The following INPP4B variants were observed in gnomAD, a reference collection of about 807,000 sequenced individuals.
The protein encoded by INPP4B is inositol polyphosphate-4-phosphatase type II B, also known as inositol polyphosphate 4-phosphatase type II.
Under a neutral mutation model 122.5 loss-of-function variants are expected in INPP4B, and 55 were observed. The observed-to-expected ratio is 0.45, with a 90% CI of 0.36 to 0.56. The LOEUF (loss-of-function observed/expected upper bound fraction) is 0.56. Ranked by LOEUF, INPP4B falls within the 20% of genes least tolerant of loss-of-function variation. INPP4B has a pLI of 0.00. For synonymous variants in INPP4B, 403 were observed against 388.7 expected, an observed-to-expected ratio of 1.04 and a Z score of -0.43; for missense variants, 1,000 against 1,097.7, an observed-to-expected ratio of 0.91 and a Z score of 1.26.
chr4:142,143,064 T>C (rs1340833882), intron 18 of INPP4B, among the ~76,000 whole-genome samples: 1 of 151,998 alleles, frequency 6.6e-6, no homozygotes, highest in Admixed American at 6.6e-5. Context: ...CAGGCTGAAG[T>C]TTCCTTAACT....
intron 2 of INPP4B, among the ~76,000 whole-genome samples, chr4:142,712,164 T>G (rs911595564): frequency 6.6e-5 from 10 of 152,186 alleles, no homozygotes; most frequent in African/African-American, 2.4e-4. Context: ...ACACCAAATC[T>G]GCTGGTGCCT....
chr4:142,731,775 G>GA (rs370904473), intron 1 of INPP4B, among the ~76,000 whole-genome samples: 7 of 123,424 alleles, frequency 5.7e-5, no homozygotes, highest in South Asian at 2.9e-4. Flanking sequence ...ATTTTCAGGG[G>GA]AAAAAAAAAA....
At chr4:142,257,373 G>C (rs1736830575) in intron 11 of INPP4B, among the ~76,000 whole-genome samples, 1 of 152,042 alleles carries the variant, frequency 6.6e-6, no homozygotes, top group Admixed American at 6.6e-5. Context: ...GGCAGGAGAA[G>C]GAAATAAAGG....
At chr4:142,359,044 C>T (rs1010173427) in intron 7 of INPP4B, among the ~76,000 whole-genome samples, 1 of 151,872 alleles carries the variant, frequency 6.6e-6, no homozygotes, top group Non-Finnish European at 1.5e-5. Context: ...AAAATTAGTT[C>T]AGAAATCATC....
chr4:142,071,359 A>G (rs1160030918), intron 25 of INPP4B, among the ~76,000 whole-genome samples: 2 of 152,068 alleles, frequency 1.3e-5, no homozygotes, highest in East Asian at 3.9e-4. Flanking sequence ...AGACTTAAAC[A>G]TTAGACCTAA....
intron 5 of INPP4B, among the ~76,000 whole-genome samples, chr4:142,420,895 G>A (rs961909992): frequency 1.3e-5 from 2 of 152,166 alleles, no homozygotes; most frequent in African/African-American, 2.4e-5. Flanking sequence ...AGGAAGTTTT[G>A]AGTGTGATAA....
chr4:142,176,117 T>TA (rs1828059517), intron 15 of INPP4B, among the ~76,000 whole-genome samples: 1 of 119,758 alleles, frequency 8.4e-6, no homozygotes, highest in Non-Finnish European at 1.7e-5. Flanking sequence ...GACTGCTTTC[T>TA]TTTATTATTA....
intron 2 of INPP4B, among the ~76,000 whole-genome samples, chr4:142,499,149 T>C (rs527909945): frequency 6.6e-6 from 1 of 152,282 alleles, no homozygotes; most frequent in African/African-American, 2.4e-5. Flanking sequence ...GTGATCTGCC[T>C]TGGATCTGCA....
chr4:142,734,349 C>T (rs556434918), intron 1 of INPP4B, among the ~76,000 whole-genome samples: 3 of 152,138 alleles, frequency 2.0e-5, no homozygotes, highest in African/African-American at 2.4e-5. Flanking sequence ...CCTAATCTAT[C>T]GTATTTTATT....
intron 7 of INPP4B, among the ~76,000 whole-genome samples, chr4:142,325,671 A>T (rs1772068642): frequency 6.6e-6 from 1 of 152,162 alleles, no homozygotes. Flanking sequence ...CATTTCTCTA[A>T]AGCAGTGATG....
intron 2 of INPP4B, among the ~76,000 whole-genome samples, chr4:142,483,101 T>C (rs1029893545): frequency 6.6e-6 from 1 of 150,958 alleles, no homozygotes; most frequent in African/African-American, 2.4e-5. Flanking sequence ...TATTTGGAGG[T>C]ATGTAATTGT....
At chr4:142,423,900 C>T in intron 5 of INPP4B, 1 of 371,860 alleles carries the variant, frequency 2.7e-6, no homozygotes. Flanking sequence ...ATCAGGAATC[C>T]TATTTGAGGA....
intron 21 of INPP4B, among the ~76,000 whole-genome samples, chr4:142,114,730 T>A (rs914009241): frequency 4.6e-5 from 7 of 152,062 alleles, no homozygotes; most frequent in African/African-American, 1.7e-4. Context: ...TTTTACTTAC[T>A]TAATGGTGTT....
At chr4:142,429,282 T>C in intron 4 of INPP4B, 65 bp from the exon 5 acceptor site, 5 of 814,352 alleles carry the variant, frequency 6.1e-6, no homozygotes, top group South Asian at 1.6e-5. Flanking sequence ...TGTCAATATA[T>C]ATTACTATGC....
At chr4:142,343,151 T>A (rs1374553347) in intron 7 of INPP4B, among the ~76,000 whole-genome samples, 1 of 152,134 alleles carries the variant, frequency 6.6e-6, no homozygotes, top group Non-Finnish European at 1.5e-5. Flanking sequence ...AAGGATTTCA[T>A]TTATGTGCTG....
chr4:142,186,695 C>T (rs1489458285), intron 15 of INPP4B, among the ~76,000 whole-genome samples: 1 of 152,046 alleles, frequency 6.6e-6, no homozygotes, highest in Non-Finnish European at 1.5e-5. Flanking sequence ...ATTTGTGGGC[C>T]ATAAACAAAT....
intron 1 of INPP4B, among the ~76,000 whole-genome samples, chr4:142,838,811 A>G (rs150824637): frequency 1.3e-5 from 2 of 152,346 alleles, no homozygotes; most frequent in East Asian, 3.9e-4. Context: ...TCTATATGAA[A>G]TCCAAAAGGT....
chr4:142,693,650 CCTT>C (rs1478910851), intron 2 of INPP4B, among the ~76,000 whole-genome samples: 2 of 151,906 alleles, frequency 1.3e-5, no homozygotes, highest in African/African-American at 4.8e-5. Context: ...CTTTTCCTCA[CCTT>C]CTTAACTAAA....
intron 16 of INPP4B, among the ~76,000 whole-genome samples, chr4:142,165,159 C>G (rs1822111898): frequency 6.6e-6 from 1 of 151,692 alleles, no homozygotes; most frequent in Non-Finnish European, 1.5e-5. Context: ...TCAGAAATGC[C>G]AGGCTGAACT....
Sources: gnomAD v4.1 joint callset for allele counts (sites outside exome capture counted in the v4.1 genomes callset) on GRCh38, gnomAD v4.1.1 for gene constraint, MANE v1.5 for transcripts, NCBI Gene and HGNC (gene_info 2026-07-23, HGNC 2026-07-21) for gene names.